RALYL: variants seen among roughly 807,000 people sequenced by gnomAD.
The protein encoded by RALYL is RNA-binding Raly-like protein.
In RALYL, 29 loss-of-function variants were observed where a neutral mutation model predicts 35.1. The ratio of observed to expected loss-of-function variants is 0.83; its 90% CI spans 0.61 to 1.13. The LOEUF is 1.13. RALYL is among the 50% of genes most tolerant of loss of function. The pLI is 0.00. For synonymous variants in RALYL, 120 were observed against 127.6 expected, an observed-to-expected ratio of 0.94 and a Z score of 0.40; for missense variants, 359 against 360.4, an observed-to-expected ratio of 1.00 and a Z score of 0.03.
intron 4 of RALYL, among the ~76,000 whole-genome samples, chr8:84,810,286 C>A (rs1239237796): frequency 6.6e-6 from 1 of 152,058 alleles, no homozygotes; most frequent in African/African-American, 2.4e-5. Context: ...AATGTATTTG[C>A]AAGGTTTTGA....
chr8:84,556,926 A>T (rs1365713481), intron 2 of RALYL, among the ~76,000 whole-genome samples: 1 of 152,214 alleles, frequency 6.6e-6, no homozygotes, highest in African/African-American at 2.4e-5. Context: ...TGGGAAATAA[A>T]TATTAAAGCC....
In RALYL at chr8:84,548,038, A is replaced by G. The variant is rs187824429; in HGVS notation, c.256+18461A>G. Among the ~76,000 whole-genome samples, 319 of 152,134 alleles carry G rather than the reference A, an allele frequency of 2.1e-3. 4 individuals are homozygous for G. The highest frequency in any genetic ancestry group is 7.2e-3 in the African/African-American group (297 of 41,502). Reference sequence around the variant, plus strand: ...CTCCAGGTTAAAAATGTGTTCCCTTAGTATATATTTTCAAATTAGATTTTT... The same window carrying G: ...CTCCAGGTTAAAAATGTGTTCCCTTGGTATATATTTTCAAATTAGATTTTT... On this transcript the variant is annotated intron_variant, in intron 2 of 8. Transcript: ENST00000521268.
chr8:84,872,737 T>C (rs1171777689), intron 6 of RALYL: 1 of 152,218 alleles, frequency 6.6e-6, no homozygotes, highest in Non-Finnish European at 1.5e-5. Context: ...CTTAGTTTTA[T>C]TTAGGAAAAC....
chr8:84,535,421 G>A (rs2059531395), intron 2 of RALYL, among the ~76,000 whole-genome samples: 1 of 146,932 alleles, frequency 6.8e-6, no homozygotes, highest in Non-Finnish European at 1.5e-5. Context: ...ATGGTAGGAT[G>A]TTAGTAGCAT....
chr8:84,319,058 G>A (rs1335387015), intron 1 of RALYL, among the ~76,000 whole-genome samples: 1 of 152,074 alleles, frequency 6.6e-6, no homozygotes, highest in South Asian at 2.1e-4. Flanking sequence ...TCAACGAAGA[G>A]CTATTTTCCT....
chr8:84,801,459 C>CA (rs2133973981), intron 3 of RALYL, among the ~76,000 whole-genome samples: 1 of 152,180 alleles, frequency 6.6e-6, no homozygotes, highest in South Asian at 2.1e-4. Flanking sequence ...ACTCTAAGTT[C>CA]AGTTTTTTTT....
At chr8:84,442,896 G>A (rs562587769) in intron 1 of RALYL, among the ~76,000 whole-genome samples, 2 of 152,188 alleles carry the variant, frequency 1.3e-5, no homozygotes, top group East Asian at 3.9e-4. Flanking sequence ...AAAATGCCTG[G>A]CTTTCAGAAC....
intron 1 of RALYL, among the ~76,000 whole-genome samples, chr8:84,504,366 C>T (rs568464945): frequency 3.9e-4 from 60 of 152,130 alleles, no homozygotes; most frequent in African/African-American, 1.4e-3. Context: ...ATGTAATTTT[C>T]GTGGAACTGT....
At chr8:84,514,005 G>A (rs2057837747) in intron 1 of RALYL, among the ~76,000 whole-genome samples, 1 of 138,156 alleles carries the variant, frequency 7.2e-6, no homozygotes. Context: ...TGAGGCAGGA[G>A]AATCACTTGA....
chr8:84,476,436 G>A (rs1449670917), intron 1 of RALYL, among the ~76,000 whole-genome samples: 1 of 152,108 alleles, frequency 6.6e-6, no homozygotes, highest in Non-Finnish European at 1.5e-5. Flanking sequence ...GCAAGGTAAA[G>A]TATTTTATTC....
chr8:84,519,055 T>G (rs2058268300), intron 1 of RALYL, among the ~76,000 whole-genome samples: 2 of 152,240 alleles, frequency 1.3e-5, no homozygotes, highest in South Asian at 4.1e-4. Context: ...CTTCTTATTC[T>G]TTCTACATTG....
At chr8:84,573,606 AT>A (rs1042308038) in intron 2 of RALYL, among the ~76,000 whole-genome samples, 8 of 151,834 alleles carry the variant, frequency 5.3e-5, no homozygotes, top group East Asian at 3.9e-4. Context: ...AGAATATGGA[AT>A]TTTTTTAAGC....
chr8:84,746,108 G>T (rs1196323285), intron 2 of RALYL, among the ~76,000 whole-genome samples: 7 of 151,948 alleles, frequency 4.6e-5, no homozygotes, highest in African/African-American at 7.2e-5. Flanking sequence ...TTTAAAAGTT[G>T]ATTGTTTCTT....
chr8:84,678,156 G>A (rs1834599082), intron 2 of RALYL, among the ~76,000 whole-genome samples: 1 of 151,966 alleles, frequency 6.6e-6, no homozygotes, highest in Non-Finnish European at 1.5e-5. Flanking sequence ...TGTCTATATG[G>A]GAATGGACAA....
chr8:84,704,480 C>CACAACA (rs1554787622), intron 2 of RALYL, among the ~76,000 whole-genome samples: 47 of 139,580 alleles, frequency 3.4e-4, no homozygotes, highest in African/African-American at 1.2e-3. Flanking sequence ...CACACACACA[C>CACAACA]ACAACAACTC....
At chr8:84,281,398 C>T (rs1456251485) in intron 1 of RALYL, among the ~76,000 whole-genome samples, 4 of 151,930 alleles carry the variant, frequency 2.6e-5, no homozygotes, top group African/African-American at 4.8e-5. Context: ...ATGCTTTGTT[C>T]GAATTTTTTT....
At chr8:84,471,506 A>G (rs1290938091) in intron 1 of RALYL, among the ~76,000 whole-genome samples, 1 of 152,084 alleles carries the variant, frequency 6.6e-6, no homozygotes, top group Admixed American at 6.6e-5. Context: ...AGGTGAGAAG[A>G]TGGCTTGAGC....
chr8:84,890,971 C>T (rs1843744684), intron 8 of RALYL, among the ~76,000 whole-genome samples: 1 of 151,698 alleles, frequency 6.6e-6, no homozygotes, highest in Non-Finnish European at 1.5e-5. Flanking sequence ...ACAAAAAGCC[C>T]CTACATATAC....
chr8:84,236,018 G>A (rs142011010), intron 1 of RALYL, among the ~76,000 whole-genome samples: 2,412 of 151,902 alleles, frequency 0.016, 30 homozygotes, highest in South Asian at 0.028. Context: ...ACCCACCTTG[G>A]CCTCCCAAAG....
Sources: gnomAD v4.1 joint callset for allele counts (sites outside exome capture counted in the v4.1 genomes callset) on GRCh38, gnomAD v4.1.1 for gene constraint, MANE v1.5 for transcripts, NCBI Gene and HGNC (gene_info 2026-07-23, HGNC 2026-07-21) for gene names.